The following CPM variants were observed in gnomAD, a reference collection of about 807,000 sequenced individuals.
The protein encoded by CPM is renal carboxypeptidase.
Under a neutral mutation model 46.4 loss-of-function variants are expected in CPM, and 35 were observed. The observed-to-expected ratio is 0.75, with a 90% CI of 0.58 to 1.00. CPM has a LOEUF of 1.00. Ranked by LOEUF, CPM falls within the 50% of genes least tolerant of loss-of-function variation. The pLI, the probability that CPM is intolerant of heterozygous loss-of-function variation, is 0.00. For synonymous variants in CPM, 195 were observed against 195.3 expected (o/e 1.00, Z 0.01); for missense variants, 422 against 530.4 (o/e 0.80, Z 2.01).
intron 2 of CPM, among the ~76,000 whole-genome samples, chr12:68,918,491 TTCCAGTTTTG>T (rs1430455681): frequency 6.6e-6 from 1 of 152,194 alleles, no homozygotes. Context: ...ATCTGTCCTC[TTCCAGTTTTG>T]TCCATCTAAC....
Position 68,932,663 on chromosome 12 carries a change from C to G in CPM, c.160+15G>C, listed in dbSNP as rs1441167951. 1 of 1,612,606 alleles carries G rather than the reference C, an allele frequency of 6.2e-7. No homozygotes were observed. The highest frequency in any genetic ancestry group is 1.7e-4 in the Middle Eastern group (1 of 6,058). On this transcript the variant is annotated intron_variant, in intron 2 of 8. Transcript: ENST00000551568. ...GACTGAGGGTTTGGCAAAGTGTTCACGAGACGGACCCTACCTTTCACAGAT... is the reference window on the plus strand; with the variant it reads ...GACTGAGGGTTTGGCAAAGTGTTCAGGAGACGGACCCTACCTTTCACAGAT...
chr12:68,849,991 A>C (rs1485783531), downstream of CPM: 1 of 152,356 alleles, frequency 6.6e-6, no homozygotes, highest in Non-Finnish European at 1.5e-5. Context: ...AACAGCAAAC[A>C]AAAAACCCTT....
chr12:68,870,879 T>G (rs1266669072), intron 4 of CPM, among the ~76,000 whole-genome samples: 1 of 152,182 alleles, frequency 6.6e-6, no homozygotes, highest in Non-Finnish European at 1.5e-5. Context: ...TTTAAGTCGC[T>G]AATTTTGGGG....
intron 2 of CPM, among the ~76,000 whole-genome samples, chr12:68,904,181 G>C (rs930900768): frequency 6.6e-6 from 1 of 152,204 alleles, no homozygotes; most frequent in Non-Finnish European, 1.5e-5. Flanking sequence ...TGCTTGGCAA[G>C]TCAGGTCTCT....
chr12:68,952,401 A>G (rs1888950146), intron 1 of CPM, among the ~76,000 whole-genome samples: 1 of 152,140 alleles, frequency 6.6e-6, no homozygotes, highest in Non-Finnish European at 1.5e-5. Flanking sequence ...TCTAGCCTGA[A>G]CTTTCTTTTC....
At chr12:68,869,619 C>A in intron 5 of CPM, 124 bp from the exon 6 acceptor site, 1 of 765,916 alleles carries the variant, frequency 1.3e-6, no homozygotes. Flanking sequence ...AGAGAGAAAT[C>A]CTTCATCCAC....
rs574960621 is a variant in CPM, at chr12:68,955,256, G to A, written c.-4+7913C>T. Among the ~76,000 whole-genome samples the A allele has an allele frequency of 2.0e-4, 30 of 152,296 alleles. 1 individual carries two copies. Among genetic ancestry groups the A allele is most frequent in the Admixed American group, 1.4e-3 (22 of 15,302 alleles). On this transcript the variant is annotated intron_variant, in intron 1 of 8. Coordinates refer to the CPM transcript ENST00000546373. ...GATCCCAGGACACTGACACCTACTC[G>A]CTTAGTGATTGTGGATATAATTTTA...
At chr12:68,859,768 C>T (rs1337861405) in intron 7 of CPM, among the ~76,000 whole-genome samples, 1 of 152,208 alleles carries the variant, frequency 6.6e-6, no homozygotes, top group African/African-American at 2.4e-5. Flanking sequence ...GTGGCCCAGC[C>T]TAGCCGTCAA....
chr12:68,888,436 T>A (rs931123118), intron 2 of CPM, among the ~76,000 whole-genome samples: 10 of 152,192 alleles, frequency 6.6e-5, no homozygotes, highest in Non-Finnish European at 1.3e-4. Flanking sequence ...AGTCTGAGAA[T>A]GAAAACCAAC....
chr12:68,876,646 G>A (rs935282638), intron 3 of CPM, among the ~76,000 whole-genome samples: 4 of 152,146 alleles, frequency 2.6e-5, no homozygotes, highest in South Asian at 2.1e-4. Context: ...TGGACACACC[G>A]GCCTCCGGAG....
intron 3 of CPM, among the ~76,000 whole-genome samples, chr12:68,874,466 A>G (rs991183881): frequency 5.3e-5 from 8 of 152,042 alleles, no homozygotes; most frequent in African/African-American, 1.9e-4. Flanking sequence ...AAATACAAAA[A>G]TTAGCTGGGC....
chr12:68,925,797 G>T (rs1403240193), intron 2 of CPM, among the ~76,000 whole-genome samples: 6 of 152,036 alleles, frequency 3.9e-5, no homozygotes, highest in Non-Finnish European at 8.8e-5. Context: ...ATAACAAATT[G>T]CACTCTATAG....
rs150775040 is a variant in CPM, at chr12:68,868,042, A to T, written c.788-994T>A. On this transcript the variant is annotated intron_variant, in intron 6 of 8. Coordinates refer to ENST00000551568, the MANE Select transcript of CPM (RefSeq NM_198320.5). ...TTTGTCTGAGAAGGATACACAGCTCACACACAGGCACACTGGGGAACAATT... is the reference window on the plus strand; with the variant it reads ...TTTGTCTGAGAAGGATACACAGCTCTCACACAGGCACACTGGGGAACAATT... Among the ~76,000 whole-genome samples the T allele has an allele frequency of 4.9e-3, 750 of 152,282 alleles. 5 individuals carry two copies. Among genetic ancestry groups the T allele is most frequent in the African/African-American group, 0.017 (693 of 41,536 alleles).
intron 1 of CPM, among the ~76,000 whole-genome samples, chr12:68,938,817 C>G (rs1000534038): frequency 2.0e-5 from 3 of 151,112 alleles, no homozygotes; most frequent in Non-Finnish European, 3.0e-5. Context: ...TACACACACA[C>G]ACACACGTAT....
chr12:68,844,945 T>C (rs1255497484), intron 5 of CPM: 1 of 194,912 alleles, frequency 5.1e-6, no homozygotes, highest in Non-Finnish European at 1.1e-5. Flanking sequence ...TTTTTGTATT[T>C]CTAGCAGAGA....
In CPM at chr12:68,859,888, T is replaced by C. The variant is rs1735760673; in HGVS notation, c.941-817A>G. Reference sequence around the variant, plus strand: ...TTAGATCCTACGTGTCACATCTAGTTTGTTTACTCCAGCGTCAAATCATAT... The same window carrying C: ...TTAGATCCTACGTGTCACATCTAGTCTGTTTACTCCAGCGTCAAATCATAT... On this transcript the variant is annotated intron_variant, in intron 7 of 8. Coordinates refer to ENST00000551568, the MANE Select transcript of CPM (RefSeq NM_198320.5). Among the ~76,000 whole-genome samples the C allele has an allele frequency of 2.0e-5, 3 of 152,290 alleles. No individual in the cohort carries two copies. In the South Asian group the frequency reaches 6.2e-4, roughly 32 times the overall value.
At chr12:68,903,297 AAGTCTC>A (rs1399992207) in intron 2 of CPM, among the ~76,000 whole-genome samples, 2 of 152,152 alleles carry the variant, frequency 1.3e-5, no homozygotes, top group Admixed American at 1.3e-4. Context: ...GGAACTATTG[AAGTCTC>A]AGTCAATAAT....
intron 1 of CPM, among the ~76,000 whole-genome samples, chr12:68,962,068 T>A (rs555436389): frequency 2.0e-5 from 3 of 151,602 alleles, no homozygotes; most frequent in Non-Finnish European, 4.4e-5. Flanking sequence ...GGCACGGTGG[T>A]GGGCGCCTGT....
chr12:68,847,410 T>G (rs1884393788), downstream of CPM: 1 of 148,518 alleles, frequency 6.7e-6, no homozygotes, highest in South Asian at 2.1e-4. Flanking sequence ...CCTTTGTATC[T>G]TCTTGCCATA....
Sources: allele counts gnomAD v4.1 joint callset (sites outside exome capture counted in the v4.1 genomes callset), GRCh38; gene constraint gnomAD v4.1.1; transcripts MANE v1.5; gene names NCBI Gene and HGNC (gene_info 2026-07-23, HGNC 2026-07-21).